The following FYN variants were observed in gnomAD, a reference collection of about 807,000 sequenced individuals.
The protein encoded by FYN is tyrosine-protein kinase Fyn.
Under a neutral mutation model 70.2 loss-of-function variants are expected in FYN, and 10 were observed. The ratio of observed to expected loss-of-function variants is 0.14; its 90% CI spans 0.09 to 0.24. FYN has a LOEUF of 0.24. Ranked by LOEUF, FYN falls within the 10% of genes least tolerant of loss-of-function variation. The pLI is 1.00. For missense variants in FYN, 319 were observed against 673.1 expected (o/e 0.47, Z 5.82); for synonymous variants, 236 against 248.6 (o/e 0.95, Z 0.48).
chr6:111,808,216 A>G (rs191137369), intron 2 of FYN, among the ~76,000 whole-genome samples: 8 of 152,338 alleles, frequency 5.3e-5, no homozygotes, highest in Admixed American at 3.3e-4. Context: ...CAAATCTGCA[A>G]ACACACTCTC....
intron 3 of FYN, among the ~76,000 whole-genome samples, chr6:111,757,027 T>C (rs1038776738): frequency 6.6e-6 from 1 of 152,044 alleles, no homozygotes; most frequent in African/African-American, 2.4e-5. Context: ...AAAATAAATA[T>C]ATAAAAGATA....
At chr6:111,857,695 A>AG (rs11409730) in intron 1 of FYN, among the ~76,000 whole-genome samples, 8,165 of 152,246 alleles carry the variant, frequency 0.054, 482 homozygotes, top group African/African-American at 0.15. Flanking sequence ...TACTTATGGC[A>AG]GAAAAAAAAA....
At chr6:111,700,921 T>C (rs527829395) in intron 8 of FYN, among the ~76,000 whole-genome samples, 1 of 152,214 alleles carries the variant, frequency 6.6e-6, no homozygotes, top group East Asian at 1.9e-4. Context: ...TTCTTCGCTT[T>C]CTAACTGATT....
intron 4 of FYN, 30 bp from the exon 5 acceptor site, chr6:111,714,473 A>G (rs1287639157): frequency 2.1e-6 from 3 of 1,439,170 alleles, no homozygotes; most frequent in South Asian, 1.1e-5. Context: ...AAGAAGGGAG[A>G]TTATTACACA....
chr6:111,864,437 C>T (rs1774047895), intron 1 of FYN, among the ~76,000 whole-genome samples: 1 of 152,128 alleles, frequency 6.6e-6, no homozygotes, highest in East Asian at 1.9e-4. Context: ...GTTATGTTGA[C>T]AAATCAATCA....
intron 1 of FYN, among the ~76,000 whole-genome samples, chr6:111,870,612 T>C (rs548871876): frequency 2.0e-5 from 3 of 152,300 alleles, no homozygotes; most frequent in African/African-American, 4.8e-5. Flanking sequence ...GACCAATTAA[T>C]GGTGGAAATA....
chr6:111,702,879 G>A lies in FYN; in HGVS notation c.697+6C>T. 1 of 1,613,394 alleles carries A rather than the reference G, an allele frequency of 6.2e-7. No homozygotes were observed. Among genetic ancestry groups the A allele is most frequent in the African/African-American group, 1.3e-5 (1 of 74,994 alleles). ...ATGGTTAGTAGGTAGTTAGAATTAAGGTTACCTGAGTAATGTTGTACAAGC... is the reference window on the plus strand; with the variant it reads ...ATGGTTAGTAGGTAGTTAGAATTAAAGTTACCTGAGTAATGTTGTACAAGC... On this transcript the variant is annotated splice_donor_region_variant and intron_variant, in intron 8 of 13. Coordinates refer to ENST00000354650, the MANE Select transcript of FYN (RefSeq NM_002037.5).
chr6:111,729,068 T>C (rs930144756), intron 3 of FYN, among the ~76,000 whole-genome samples: 2 of 152,154 alleles, frequency 1.3e-5, no homozygotes, highest in Non-Finnish European at 2.9e-5. Context: ...TACTCAATAG[T>C]GATGAAGTTT....
In FYN at chr6:111,826,569, T is replaced by C. The variant is rs369014051; in HGVS notation, c.-82+20020A>G. Among the ~76,000 whole-genome samples, 53 of 152,308 alleles carry C rather than the reference T, an allele frequency of 3.5e-4. 1 individual carries two copies. Among genetic ancestry groups the C allele is most frequent in the African/African-American group, 1.2e-3 (48 of 41,558 alleles). ...GGAGAGATTTATAGCCCCCACTCCCTTAATGACATACTTGATCTTCTAGTA... is the reference window on the plus strand; with the variant it reads ...GGAGAGATTTATAGCCCCCACTCCCCTAATGACATACTTGATCTTCTAGTA... On this transcript the variant is annotated intron_variant, in intron 2 of 13. Transcript: ENST00000354650.
At chr6:111,770,292 A>T (rs921281092) in intron 3 of FYN, among the ~76,000 whole-genome samples, 1 of 152,222 alleles carries the variant, frequency 6.6e-6, no homozygotes, top group African/African-American at 2.4e-5. Flanking sequence ...TGTAAAGTTT[A>T]ATTTTACTCA....
At chr6:111,761,189 G>A (rs1036150654) in intron 3 of FYN, among the ~76,000 whole-genome samples, 1 of 152,208 alleles carries the variant, frequency 6.6e-6, no homozygotes, top group Non-Finnish European at 1.5e-5. Flanking sequence ...ACAAGCCAGA[G>A]ACTAGGCAGG....
At chr6:111,764,396 G>A (rs1322702318) in intron 3 of FYN, among the ~76,000 whole-genome samples, 1 of 152,138 alleles carries the variant, frequency 6.6e-6, no homozygotes, top group Non-Finnish European at 1.5e-5. Context: ...TGGGGAGGAG[G>A]AAGGACAAGC....
intron 3 of FYN, among the ~76,000 whole-genome samples, chr6:111,776,596 A>C (rs1019005257): frequency 1.3e-5 from 2 of 152,216 alleles, no homozygotes; most frequent in Non-Finnish European, 2.9e-5. Flanking sequence ...AGTTGAGAGA[A>C]TATTACACCA....
chr6:111,663,343 G>A (rs377598750), intron 13 of FYN, among the ~76,000 whole-genome samples: 3 of 152,194 alleles, frequency 2.0e-5, no homozygotes, highest in South Asian at 2.1e-4. Context: ...GGGAGGTGGC[G>A]ACCCGTTAGC....
chr6:111,727,160 A>T (rs1276449106), intron 3 of FYN, among the ~76,000 whole-genome samples: 1 of 152,178 alleles, frequency 6.6e-6, no homozygotes. Context: ...CATTCCCCCA[A>T]GACAGTGGAT....
At chr6:111,721,876 C>A (rs528840532) in intron 3 of FYN, among the ~76,000 whole-genome samples, 6 of 152,244 alleles carry the variant, frequency 3.9e-5, no homozygotes, top group African/African-American at 1.4e-4. Context: ...GAGGTCCCTG[C>A]CAAAACCGCA....
chr6:111,812,528 T>C (rs1772358440), intron 2 of FYN, among the ~76,000 whole-genome samples: 1 of 151,760 alleles, frequency 6.6e-6, no homozygotes, highest in Admixed American at 6.6e-5. Context: ...TTTAGTTGTA[T>C]ACTTAGAAAC....
At chr6:111,807,365 C>T (rs1772182190) in intron 2 of FYN, among the ~76,000 whole-genome samples, 1 of 152,142 alleles carries the variant, frequency 6.6e-6, no homozygotes, top group Non-Finnish European at 1.5e-5. Context: ...TCTGGTCACT[C>T]CTGCTAATGG....
chr6:111,721,045 C>G lies in FYN; in HGVS notation c.-11-983G>C, dbSNP rs545794509. Among the ~76,000 whole-genome samples, 3 of 152,316 alleles carry G rather than the reference C, an allele frequency of 2.0e-5. No homozygotes were observed. The East Asian group carries it at 5.8e-4, about 29-fold the overall frequency. On this transcript the variant is annotated intron_variant, in intron 3 of 13. Transcript: ENST00000354650. ...CAGATCCTCAAAGACTCCATTCCCC[C>G]ACCCGCTTCGGGCCTTGGAACATAA...
Sources: gnomAD v4.1 joint callset for allele counts (sites outside exome capture counted in the v4.1 genomes callset) on GRCh38, gnomAD v4.1.1 for gene constraint, MANE v1.5 for transcripts, NCBI Gene and HGNC (gene_info 2026-07-23, HGNC 2026-07-21) for gene names.